CTNNBL1: variants seen among roughly 807,000 people sequenced by gnomAD.
The protein encoded by CTNNBL1 is beta-catenin-like protein 1.
Under a neutral mutation model 72.7 loss-of-function variants are expected in CTNNBL1, and 31 were observed. The observed-to-expected ratio is 0.43, with a 90% CI of 0.32 to 0.58. The LOEUF is 0.58. CTNNBL1 is among the 20% of genes least tolerant of loss of function. CTNNBL1 has a pLI of 0.08. For synonymous variants in CTNNBL1, 240 were observed against 267.3 expected (o/e 0.90, Z 1.00); for missense variants, 534 against 725.1 (o/e 0.74, Z 3.03).
intron 5 of CTNNBL1, among the ~76,000 whole-genome samples, chr20:37,761,481 C>A (rs540426835): frequency 6.6e-6 from 1 of 152,208 alleles, no homozygotes; most frequent in Non-Finnish European, 1.5e-5. Flanking sequence ...TATGAAAATT[C>A]CTGGATTCTA....
intron 13 of CTNNBL1, among the ~76,000 whole-genome samples, chr20:37,857,847 G>A (rs1022769290): frequency 2.0e-5 from 3 of 152,132 alleles, no homozygotes; most frequent in African/African-American, 4.8e-5. Context: ...GGCTAGTCAC[G>A]CAGAACAAGT....
At chr20:37,785,060 A>G (rs2073660563) in intron 10 of CTNNBL1, among the ~76,000 whole-genome samples, 1 of 151,788 alleles carries the variant, frequency 6.6e-6, no homozygotes, top group Admixed American at 6.6e-5. Context: ...ATGTCATGCC[A>G]CTCTTCCCCT....
At chr20:37,752,865 CTG>C (rs1489002595) in intron 4 of CTNNBL1, among the ~76,000 whole-genome samples, 1 of 152,088 alleles carries the variant, frequency 6.6e-6, no homozygotes, top group African/African-American at 2.4e-5. Flanking sequence ...CTATCAAAAA[CTG>C]TGTTTTAGTA....
intron 12 of CTNNBL1, chr20:37,842,129 A>G (rs1795342668): frequency 2.0e-6 from 1 of 501,680 alleles, no homozygotes; most frequent in Non-Finnish European, 3.5e-6. Flanking sequence ...TTCAAACTGC[A>G]TTCATCCTAA....
At chr20:37,721,478 G>A (rs1006141566) in intron 1 of CTNNBL1, among the ~76,000 whole-genome samples, 20 of 152,136 alleles carry the variant, frequency 1.3e-4, no homozygotes, top group African/African-American at 4.8e-4. Flanking sequence ...GGCATGACTT[G>A]GTCTGCCTGA....
chr20:37,777,567 T>C, intron 8 of CTNNBL1, 87 bp from the exon 9 acceptor site: 1 of 1,427,322 alleles, frequency 7.0e-7, no homozygotes, highest in Non-Finnish European at 9.9e-7. Context: ...TGTATTGATT[T>C]TGTTTGCTGA....
intron 13 of CTNNBL1, among the ~76,000 whole-genome samples, chr20:37,849,352 C>T (rs754572611): frequency 1.3e-5 from 2 of 152,342 alleles, no homozygotes; most frequent in South Asian, 2.1e-4. Context: ...CCTCCTGCGC[C>T]GGCCTCATGG....
At chr20:37,703,055 CT>C (rs2072857381) in intron 1 of CTNNBL1, among the ~76,000 whole-genome samples, 1 of 152,158 alleles carries the variant, frequency 6.6e-6, no homozygotes, top group Non-Finnish European at 1.5e-5. Flanking sequence ...ATTATCATAT[CT>C]TGCCACTCTT....
At chr20:37,742,797 C>G (rs2073229081) in intron 3 of CTNNBL1, among the ~76,000 whole-genome samples, 1 of 152,062 alleles carries the variant, frequency 6.6e-6, no homozygotes, top group Admixed American at 6.6e-5. Context: ...AACAATCGTT[C>G]AATTACTTTA....
chr20:37,843,228 C>G (rs534425412), intron 13 of CTNNBL1, among the ~76,000 whole-genome samples: 16 of 152,206 alleles, frequency 1.1e-4, no homozygotes, highest in Non-Finnish European at 5.9e-5. Context: ...TACTTTTTTC[C>G]AAGTCTACAG....
At chr20:37,798,021 G>A (rs991244892) in intron 10 of CTNNBL1, among the ~76,000 whole-genome samples, 1 of 151,944 alleles carries the variant, frequency 6.6e-6, no homozygotes, top group Non-Finnish European at 1.5e-5. Flanking sequence ...TCCTTCCTGC[G>A]TTCACTCTGC....
intron 10 of CTNNBL1, among the ~76,000 whole-genome samples, chr20:37,780,183 G>C (rs2073614603): frequency 6.6e-6 from 1 of 151,626 alleles, no homozygotes; most frequent in Admixed American, 6.6e-5. Context: ...AAAAGAAATG[G>C]AGCCAGAGTC....
Position 37,802,979 on chromosome 20 carries a change from A to G in CTNNBL1, c.1144A>G (p.Ile382Val), listed in dbSNP as rs202058629. Residue 382 changes from isoleucine (I) to valine (V), a missense_variant, in exon 11 of 16, where the codon ATC becomes GTC. Physicochemically the swap from Ile to Val is conservative, Grantham distance 29. Transcript: ENST00000361383. ...KFVDILGLRT[I>V]FPLFMKSPRK... is the part of the protein sequence containing the mutation. ...TGTTGACATTCTTGGCTTACGAACCATCTTTCCCCTCTTTATGAAATCTCC... is the reference window on the plus strand; with the variant it reads ...TGTTGACATTCTTGGCTTACGAACCGTCTTTCCCCTCTTTATGAAATCTCC... The G allele has an allele frequency of 1.2e-5, 20 of 1,614,068 alleles. No homozygotes were observed. Among genetic ancestry groups the G allele is most frequent in the Non-Finnish European group, 1.7e-5 (20 of 1,180,034 alleles).
intron 10 of CTNNBL1, among the ~76,000 whole-genome samples, chr20:37,800,941 T>G (rs1428113863): frequency 6.6e-6 from 1 of 151,344 alleles, no homozygotes; most frequent in African/African-American, 2.5e-5. Context: ...CTGATTCATC[T>G]TATCACTCAG....
At chr20:37,699,676 G>C (rs1004241829) in intron 1 of CTNNBL1, among the ~76,000 whole-genome samples, 3 of 152,154 alleles carry the variant, frequency 2.0e-5, no homozygotes, top group Non-Finnish European at 4.4e-5. Flanking sequence ...GGACATAAGG[G>C]AACAAAATTG....
chr20:37,810,078 TA>T (rs756850867), intron 11 of CTNNBL1, among the ~76,000 whole-genome samples: 1 of 152,206 alleles, frequency 6.6e-6, no homozygotes, highest in Non-Finnish European at 1.5e-5. Flanking sequence ...GGGTAAGAAT[TA>T]ATTGAAGTAA....
intron 11 of CTNNBL1, among the ~76,000 whole-genome samples, chr20:37,823,381 G>A (rs972989416): frequency 6.6e-5 from 10 of 152,210 alleles, no homozygotes; most frequent in South Asian, 2.1e-4. Context: ...TGAACATAAG[G>A]CCGCCTTGGG....
At chr20:37,801,487 C>A (rs1338931303) in intron 10 of CTNNBL1, among the ~76,000 whole-genome samples, 1 of 152,072 alleles carries the variant, frequency 6.6e-6, no homozygotes, top group Non-Finnish European at 1.5e-5. Flanking sequence ...AGAATAGCAG[C>A]CAGTGGCACT....
intron 13 of CTNNBL1, among the ~76,000 whole-genome samples, chr20:37,845,599 GGC>G (rs1456858309): frequency 6.6e-6 from 1 of 152,204 alleles, no homozygotes; most frequent in African/African-American, 2.4e-5. Flanking sequence ...CTAGCACTCA[GGC>G]GCCATCCTAG....
Sources: gnomAD v4.1 joint callset for allele counts (sites outside exome capture counted in the v4.1 genomes callset) on GRCh38, gnomAD v4.1.1 for gene constraint, MANE v1.5 for transcripts, NCBI Gene and HGNC (gene_info 2026-07-23, HGNC 2026-07-21) for gene names.